TRAK1: variants seen among roughly 807,000 people sequenced by gnomAD.
The protein encoded by TRAK1 is trafficking kinesin protein 1.
A neutral mutation model predicts 92.1 loss-of-function variants in TRAK1; 33 were observed. The ratio of observed to expected loss-of-function variants is 0.36; its 90% confidence interval spans 0.27 to 0.48. The LOEUF (loss-of-function observed/expected upper bound fraction) is 0.48, where lower values mean the gene tolerates loss of function less well. Among genes scored for constraint, TRAK1 ranks in the 20% least tolerant of loss-of-function variants. TRAK1 has a pLI of 0.99. For missense variants in TRAK1, 1,123 were observed against 1,257.9 expected (o/e 0.89, Z 1.62); for synonymous variants, 521 against 517.3 (o/e 1.01, Z -0.10).
At chr3:42,088,425 C>G (rs187183871), upstream of TRAK1, among the ~76,000 whole-genome samples, 3 of 152,280 alleles carry the variant, frequency 2.0e-5, no homozygotes, top group East Asian at 5.8e-4. Flanking sequence ...TTGCCTGCCC[C>G]CTGAAGGACA....
intron 14 of TRAK1, chr3:42,210,516 G>A: frequency 8.5e-7 from 1 of 1,180,166 alleles, no homozygotes; most frequent in Non-Finnish European, 1.0e-6. Flanking sequence ...AAGTCCCCTG[G>A]TGATTTCCAA....
intron 3 of TRAK1, among the ~76,000 whole-genome samples, chr3:42,183,468 A>ATTGC (rs1287278168): frequency 4.4e-4 from 66 of 150,856 alleles, no homozygotes; most frequent in African/African-American, 1.6e-3. Context: ...AGGCAGGAGA[A>ATTGC]TTGCTTGAAC....
chr3:42,144,826 T>C (rs1355639019), intron 2 of TRAK1, among the ~76,000 whole-genome samples: 1 of 152,224 alleles, frequency 6.6e-6, no homozygotes, highest in African/African-American at 2.4e-5. Context: ...TGCAAAGAGA[T>C]GGCTAGGATT....
At chr3:42,013,748 C>G (rs1701400087), upstream of TRAK1, 1 of 148,038 alleles carries the variant, frequency 6.8e-6, no homozygotes, top group African/African-American at 2.5e-5. This position sits in a 1 kb window ranked among gnomAD's most constrained non-coding sequence, Gnocchi z 5.1. Flanking sequence ...CCGGCCGCCG[C>G]CCCCGCGCGC....
intron 1 of TRAK1, among the ~76,000 whole-genome samples, chr3:42,116,131 G>A (rs1709129698): frequency 6.6e-6 from 1 of 152,248 alleles, no homozygotes; most frequent in African/African-American, 2.4e-5. Context: ...AGCGGAAAGC[G>A]AATCAGCATC....
chr3:42,057,170 T>G (rs1703235635), intron 1 of TRAK1, among the ~76,000 whole-genome samples: 2 of 152,220 alleles, frequency 1.3e-5, no homozygotes, highest in South Asian at 4.1e-4. Flanking sequence ...TCTTTGCTGT[T>G]TAGACCACCT....
At chr3:42,178,212 C>T (rs1368569375) in intron 3 of TRAK1, among the ~76,000 whole-genome samples, 1 of 151,984 alleles carries the variant, frequency 6.6e-6, no homozygotes, top group Non-Finnish European at 1.5e-5. Flanking sequence ...CACTCAAGCT[C>T]TTGGGGCCTC....
chr3:42,065,578 A>G (rs1438880411), intron 1 of TRAK1, among the ~76,000 whole-genome samples: 1 of 152,116 alleles, frequency 6.6e-6, no homozygotes, highest in African/African-American at 2.4e-5. Flanking sequence ...ATCAAACTGA[A>G]TAGCCTTTAC....
chr3:42,155,205 C>T (rs914546124), intron 2 of TRAK1, among the ~76,000 whole-genome samples: 4 of 151,896 alleles, frequency 2.6e-5, no homozygotes, highest in African/African-American at 9.7e-5. Context: ...TTTGGGATTC[C>T]TGCTGGGGAG....
chr3:42,030,726 ATATATATATATATATG>A, intron 1 of TRAK1, among the ~76,000 whole-genome samples: 1 of 49,374 alleles, frequency 2.0e-5, no homozygotes, highest in African/African-American at 6.2e-5. Flanking sequence ...ATATATATAT[ATATATATATATATATG>A]TAACTTGTTG....
At chr3:42,100,199 T>C in intron 1 of TRAK1, among the ~76,000 whole-genome samples, 1 of 152,264 alleles carries the variant, frequency 6.6e-6, no homozygotes, top group East Asian at 1.9e-4. Flanking sequence ...GACTCCCATC[T>C]CTACAAAAAA....
chr3:42,125,527 G>A lies in TRAK1; in HGVS notation c.199G>A (p.Asp67Asn), dbSNP rs771321282. Residue 67 changes from aspartate (D) to asparagine (N), a missense_variant, in exon 2 of 16, where the codon GAC becomes AAC. This residue lies in a region of TRAK1 where 686 missense variants were observed against 747.6 expected (regional missense o/e 0.92). Transcript: ENST00000327628. ...CGACACCATCTACGGTTATGACCAC[G>A]ACGACTGGCTCCATACACCTCTCAT... ...RADTIYGYDH[D>N]DWLHTPLISP... 3 of 1,614,220 alleles carry A rather than the reference G, an allele frequency of 1.9e-6. No homozygotes were observed. The highest frequency in any genetic ancestry group is 2.2e-5 in the East Asian group (1 of 44,892).
At chr3:42,215,254 T>C (rs1709540829) in intron 14 of TRAK1, among the ~76,000 whole-genome samples, 1 of 152,184 alleles carries the variant, frequency 6.6e-6, no homozygotes, top group Non-Finnish European at 1.5e-5. Context: ...TCCCTATCTG[T>C]TTAATGGAAA....
chr3:42,078,312 C>G (rs1576256924), intron 1 of TRAK1, among the ~76,000 whole-genome samples: 1 of 152,148 alleles, frequency 6.6e-6, no homozygotes, highest in Non-Finnish European at 1.5e-5. Flanking sequence ...GATCTAGATA[C>G]TTCTGTAAAG....
At chr3:42,157,489 A>AAAAC (rs1553739632) in intron 2 of TRAK1, among the ~76,000 whole-genome samples, 2 of 144,724 alleles carry the variant, frequency 1.4e-5, no homozygotes, top group African/African-American at 5.1e-5. Context: ...AAAAAAAAAA[A>AAAAC]GGTTAACATT....
intron 1 of TRAK1, among the ~76,000 whole-genome samples, chr3:42,118,111 T>G (rs932627382): frequency 3.3e-5 from 5 of 149,304 alleles, no homozygotes; most frequent in Non-Finnish European, 7.4e-5. Context: ...TTAGAGGGAG[T>G]TTCACTCTGT....
intron 6 of TRAK1, 56 bp downstream of exon 6, chr3:42,189,180 T>G (rs977032832): frequency 7.3e-7 from 1 of 1,367,792 alleles, no homozygotes; most frequent in East Asian, 2.3e-5. Flanking sequence ...CCCATTCGCC[T>G]TATCTGGCAA....
intron 1 of TRAK1, among the ~76,000 whole-genome samples, chr3:42,032,313 A>C (rs2148893102): frequency 6.6e-6 from 1 of 152,302 alleles, no homozygotes; most frequent in East Asian, 1.9e-4. Context: ...GTTAATGCAG[A>C]ATGTGCTGCT....
chr3:42,204,608 A>G lies in TRAK1; in HGVS notation c.1744+1856A>G, dbSNP rs187894503. Among the ~76,000 whole-genome samples, 23 of 152,332 alleles carry G rather than the reference A, an allele frequency of 1.5e-4. 1 individual carries two copies. Among genetic ancestry groups the G allele is most frequent in the Admixed American group, 1.4e-3 (22 of 15,304 alleles). ...TATTTATGTATTTAGTTTTTGAAAC[A>G]GGGTCTCGCTGTGTCACCCAGGCTG... On this transcript the variant is annotated intron_variant, in intron 13 of 15. Coordinates refer to ENST00000327628, the MANE Select transcript of TRAK1 (RefSeq NM_001042646.3).
Sources: allele counts gnomAD v4.1 joint callset (sites outside exome capture counted in the v4.1 genomes callset), GRCh38; gene constraint gnomAD v4.1.1; regional missense constraint gnomAD v4.1.1; non-coding constraint Gnocchi (gnomAD v3.1); transcripts MANE v1.5; gene names NCBI Gene and HGNC (gene_info 2026-07-23, HGNC 2026-07-21).